The following PPP6R2 variants were observed in gnomAD, a reference collection of about 807,000 sequenced individuals.
PPP6R2 encodes the protein protein phosphatase 6 regulatory subunit 2, also known as serine/threonine-protein phosphatase 6 regulatory subunit 2.
In PPP6R2, 62 loss-of-function variants were observed where a neutral mutation model predicts 100.2. That is an observed-to-expected ratio of 0.62 (90% CI 0.50 to 0.76). The LOEUF is 0.76. Among genes scored for constraint, PPP6R2 ranks in the 30% least tolerant of loss-of-function variants. The pLI is 0.00. For synonymous variants in PPP6R2, 525 were observed against 514.7 expected, an observed-to-expected ratio of 1.02 and a Z score of -0.27; for missense variants, 1,142 against 1,276.3, an observed-to-expected ratio of 0.89 and a Z score of 1.60.
At chr22:50,336,550 G>GT in the PPP6R2 span, among the ~76,000 whole-genome samples, 1 of 148,226 alleles carries the variant, frequency 6.7e-6, no homozygotes, top group Non-Finnish European at 1.5e-5. Flanking sequence ...TAATTTTTGT[G>GT]TTTTTAGTAG....
intron 2 of PPP6R2, among the ~76,000 whole-genome samples, chr22:50,382,821 G>A (rs2053402532): frequency 6.7e-6 from 1 of 148,478 alleles, no homozygotes; most frequent in Non-Finnish European, 1.5e-5. Flanking sequence ...GGAAAAGGGT[G>A]AAATTTACAA....
At chr22:50,371,826 T>A (rs1383248596) in intron 1 of PPP6R2, among the ~76,000 whole-genome samples, 194 bp from the exon 2 acceptor site, 4 of 152,032 alleles carry the variant, frequency 2.6e-5, no homozygotes, top group Non-Finnish European at 5.9e-5. Context: ...TTGGTAGAAA[T>A]GAGGTTTTTC....
intron 1 of PPP6R2, among the ~76,000 whole-genome samples, chr22:50,352,997 A>G (rs2045657742): frequency 6.6e-6 from 1 of 152,178 alleles, no homozygotes; most frequent in Non-Finnish European, 1.5e-5. Flanking sequence ...CTGGGACGTC[A>G]GAGCTGCAGT....
chr22:50,385,151 T>G (rs1200014219), intron 2 of PPP6R2, among the ~76,000 whole-genome samples: 1 of 152,102 alleles, frequency 6.6e-6, no homozygotes, highest in African/African-American at 2.4e-5. Context: ...TCCAATTACC[T>G]CTTAAAGGCC....
chr22:50,339,137 TGG>T (rs1491455174), upstream of PPP6R2, among the ~76,000 whole-genome samples: 2 of 139,924 alleles, frequency 1.4e-5, no homozygotes, highest in Admixed American at 1.4e-4. Context: ...GTAGTGTGTG[TGG>T]TTTGTGGTGT....
At chr22:50,385,640 T>A (rs987663716) in intron 2 of PPP6R2, among the ~76,000 whole-genome samples, 30 of 142,934 alleles carry the variant, frequency 2.1e-4, no homozygotes, top group African/African-American at 7.6e-4. Context: ...CTCAGCCTCC[T>A]GAGTAGCTGG....
At chr22:50,358,797 T>C (rs1470460916) in intron 1 of PPP6R2, among the ~76,000 whole-genome samples, 1 of 152,198 alleles carries the variant, frequency 6.6e-6, no homozygotes, top group Non-Finnish European at 1.5e-5. Context: ...TATTCTGCCA[T>C]CATTTGTTGA....
At chr22:50,338,784 T>C (rs1342306132), upstream of PPP6R2, among the ~76,000 whole-genome samples, 3 of 137,394 alleles carry the variant, frequency 2.2e-5, no homozygotes, top group African/African-American at 8.6e-5. Context: ...GTATGTGGTG[T>C]GTGTGGTGTG....
intron 8 of PPP6R2, among the ~76,000 whole-genome samples, chr22:50,420,575 A>G (rs1214425155): frequency 1.3e-5 from 2 of 152,212 alleles, no homozygotes; most frequent in Non-Finnish European, 2.9e-5. Flanking sequence ...AGTGTGGCCT[A>G]GTCCTTCCCT....
chr22:50,360,986 T>C (rs1050184708), intron 1 of PPP6R2, among the ~76,000 whole-genome samples: 1 of 152,216 alleles, frequency 6.6e-6, no homozygotes, highest in Non-Finnish European at 1.5e-5. Context: ...GTCAGACCTT[T>C]AGGAGCTCTT....
intron 10 of PPP6R2, among the ~76,000 whole-genome samples, chr22:50,427,942 G>A (rs12165642): frequency 1.3e-5 from 2 of 151,576 alleles, no homozygotes; most frequent in African/African-American, 2.4e-5. Flanking sequence ...GGACGGTCTC[G>A]ATCTCCTGAC....
At chr22:50,362,594 C>T (rs2048008946) in intron 1 of PPP6R2, among the ~76,000 whole-genome samples, 1 of 152,236 alleles carries the variant, frequency 6.6e-6, no homozygotes, top group African/African-American at 2.4e-5. Flanking sequence ...TGAATTGTGT[C>T]GTGTCCACCC....
intron 12 of PPP6R2, 133 bp from the exon 13 acceptor site, chr22:50,434,833 G>C: frequency 1.5e-6 from 1 of 674,836 alleles, no homozygotes; most frequent in Non-Finnish European, 2.3e-6. Context: ...GGCCGGGGGC[G>C]CGGACACTGG....
At chr22:50,406,550 C>T (rs529287755) in intron 3 of PPP6R2, 139 bp from the exon 4 acceptor site, 180 of 747,512 alleles carry the variant, frequency 2.4e-4, no homozygotes, top group Non-Finnish European at 1.8e-4. Context: ...CAGGTAGTCA[C>T]GTTTTTGTTC....
In PPP6R2 at chr22:50,438,742, CT is replaced by C; in HGVS notation, c.2109del (p.Val704TrpfsTer28). ...GCCCCCGGGAAGAAGGAAGCGCCCC[CT>C]GTGGAGGGTGACTCAGAAGGTGGTG... ...PPAPGKKEAP[P>X]VEGDSEGAMW... On this transcript the variant is annotated frameshift_variant, in exon 19 of 24. Coordinates refer to ENST00000612753, the MANE Select transcript of PPP6R2 (RefSeq NM_001242898.2). LOFTEE classifies it high-confidence loss of function. The C allele has an allele frequency of 6.2e-7, 1 of 1,600,896 alleles. No homozygotes were observed. Among genetic ancestry groups the C allele is most frequent in the Non-Finnish European group, 8.5e-7 (1 of 1,174,016 alleles).
chr22:50,331,282 G>T, the PPP6R2 span, among the ~76,000 whole-genome samples: 5 of 151,950 alleles, frequency 3.3e-5, no homozygotes, highest in Non-Finnish European at 7.4e-5. Flanking sequence ...TACAAGTCTC[G>T]GTGTGGACAC....
the PPP6R2 span, among the ~76,000 whole-genome samples, chr22:50,336,129 C>T: frequency 3.3e-5 from 5 of 151,746 alleles, no homozygotes; most frequent in Admixed American, 1.3e-4. Flanking sequence ...GGATTACAGA[C>T]GCCTGCCACC....
At position 50,343,425 on chromosome 22, in the gene PPP6R2, C is replaced by T. The variant is rs2042647410; in HGVS notation, c.-273C>T. The T allele has an allele frequency of 6.6e-6, 1 of 151,290 alleles. No homozygotes were observed. Among genetic ancestry groups the T allele is most frequent in the Non-Finnish European group, 1.5e-5 (1 of 67,602 alleles). 9.4% of individuals were successfully genotyped at this position (151,290 alleles called of 1,614,324 possible). On this transcript the variant is annotated 5_prime_UTR_variant, in exon 1 of 24. Coordinates refer to ENST00000612753, the MANE Select transcript of PPP6R2 (RefSeq NM_001242898.2). ...GTGTCCGTAGGCGCTGCGCCCTCGG[C>T]CGGGCCCATGTGTGTGCGGCCCGCC...
intron 1 of PPP6R2, among the ~76,000 whole-genome samples, chr22:50,347,408 G>T (rs186297457): frequency 1.3e-5 from 2 of 151,546 alleles, no homozygotes; most frequent in African/African-American, 4.9e-5. Context: ...TTCCTGTCGC[G>T]CTCCCCATCA....
Sources: allele counts gnomAD v4.1 joint callset (sites outside exome capture counted in the v4.1 genomes callset), GRCh38; gene constraint gnomAD v4.1.1; transcripts MANE v1.5; gene names NCBI Gene and HGNC (gene_info 2026-07-23, HGNC 2026-07-21).